The following PATJ variants were observed in gnomAD, a reference collection of about 807,000 sequenced individuals.
PATJ encodes PATJ crumbs cell polarity complex component, also known as inaD-like protein.
PATJ carries 190 observed loss-of-function variants against 224.9 expected under a neutral mutation model. The observed-to-expected ratio is 0.84, with a 90% CI of 0.75 to 0.95. PATJ has a LOEUF of 0.95. Ranked by LOEUF, PATJ falls within the 40% of genes least tolerant of loss-of-function variation. The probability of loss-of-function intolerance (pLI) is 0.00; values close to 1 mark genes in which losing one functional copy is unlikely to be tolerated. For missense variants in PATJ, 2,121 were observed against 2,270.3 expected (o/e 0.93, Z 1.34); for synonymous variants, 769 against 820.3 (o/e 0.94, Z 1.07).
At chr1:62,048,545 CAAAAAAAAAAAAAAAAAA>C (rs773157635) in intron 30 of PATJ, among the ~76,000 whole-genome samples, 9,954 of 67,222 alleles carry the variant, frequency 0.15, 1,283 homozygotes, top group African/African-American at 0.37. Context: ...GACTCTGTCT[CAAAAAAAAAAAAAAAAAA>C]AAAAAAAGAA....
intron 14 of PATJ, among the ~76,000 whole-genome samples, chr1:61,813,334 CATATATATATATAT>C (rs747640923): frequency 4.1e-4 from 26 of 63,076 alleles, no homozygotes; most frequent in South Asian, 3.0e-3. Context: ...ATGGAATGTA[CATATATATATATAT>C]ATATATATAT....
chr1:62,161,539 A>G lies in PATJ; in HGVS notation c.*485A>G, dbSNP rs1273364796. The stretch of plus-strand genomic sequence containing the variant: ...TTTTTAGTAGAGATGGAGCTTCCCC[A>G]TGTGGGCCAGGCTGGTCTTGAACTT... On this transcript the variant is annotated 3_prime_UTR_variant, in exon 44 of 44. Coordinates refer to ENST00000642238, the MANE Select transcript of PATJ (RefSeq NM_001350145.3). 6.6e-6 allele frequency: 1 copy of G among 152,188 alleles called. No homozygotes were observed. Among genetic ancestry groups the G allele is most frequent in the Non-Finnish European group, 1.5e-5 (1 of 68,176 alleles). 9.4% of individuals were successfully genotyped at this position (152,188 alleles called of 1,614,324 possible). A position where few individuals can be genotyped will look rare whatever the true frequency, so the allele number is the denominator to read the frequency against.
At position 61,775,248 on chromosome 1, in the gene PATJ, G is replaced by A; in HGVS notation, c.763G>A (p.Gly255Ser). 6.2e-7 allele frequency: 1 copy of A among 1,613,666 alleles called. No homozygotes were observed. The highest frequency in any genetic ancestry group is 8.5e-7 in the Non-Finnish European group (1 of 1,179,746). The change falls in exon 7 of 44, where the codon GGC (glycine) becomes AGC (serine). Residue 255 changes from glycine to serine, a missense_variant. Physicochemically the swap from Gly to Ser is moderately conservative, Grantham distance 56. Transcript: ENST00000642238. ...TGAAGAGGTTGAGCTCATTAATGAT[G>A]GCTCTGGACTAGGTTTTGGAATAGT... ...HVEEVELIND[G>S]SGLGFGIVGG...
At chr1:62,114,733 A>G (rs114434415) in intron 35 of PATJ, 1,609 of 158,330 alleles carry the variant, frequency 0.01, 9 homozygotes, top group Middle Eastern at 0.016. Context: ...TCACGATAGT[A>G]GTTTTCTATT....
chr1:62,122,413 C>T (rs866278290), intron 38 of PATJ, among the ~76,000 whole-genome samples: 1 of 150,654 alleles, frequency 6.6e-6, no homozygotes. Context: ...AATGAGTCAT[C>T]CTCCAAGCAT....
chr1:61,985,350 A>G (rs141653115), intron 27 of PATJ, among the ~76,000 whole-genome samples: 1,637 of 151,482 alleles, frequency 0.011, 60 homozygotes, highest in African/African-American at 0.037. Context: ...TCAGAATAAT[A>G]AATCTATAAC....
At chr1:61,753,563 G>A (rs1163916816) in intron 1 of PATJ, among the ~76,000 whole-genome samples, 1 of 150,902 alleles carries the variant, frequency 6.6e-6, no homozygotes, top group Non-Finnish European at 1.5e-5. Context: ...CGGCTGGAGT[G>A]CAGTGGCACG....
chr1:61,866,417 A>G (rs1665436232), intron 20 of PATJ, among the ~76,000 whole-genome samples: 1 of 152,132 alleles, frequency 6.6e-6, no homozygotes, highest in Non-Finnish European at 1.5e-5. Flanking sequence ...GCCTATTCTC[A>G]TATTTAATTA....
chr1:61,810,470 G>A (rs370519156), intron 14 of PATJ, among the ~76,000 whole-genome samples: 27 of 151,876 alleles, frequency 1.8e-4, no homozygotes, highest in East Asian at 1.4e-3. Flanking sequence ...AGGCCGAGGC[G>A]GGCAGATCAT....
At position 62,134,533 on chromosome 1, in the gene PATJ, C is replaced by T. The variant is rs537357112; in HGVS notation, c.5271+5588C>T. ...GCTAATTTTGTATTTTTAGTAGAGA[C>T]GGGGTTTCACCATGTTGGTCAGCCT... On this transcript the variant is annotated intron_variant, in intron 41 of 43. Transcript: ENST00000642238. Among the ~76,000 whole-genome samples the T allele has an allele frequency of 1.9e-4, 29 of 150,836 alleles. No homozygotes were observed. The East Asian group carries it at 5.0e-3, about 26-fold the overall frequency.
intron 12 of PATJ, among the ~76,000 whole-genome samples, chr1:61,804,293 A>G (rs1260280967): frequency 6.6e-6 from 1 of 152,168 alleles, no homozygotes; most frequent in Non-Finnish European, 1.5e-5. Flanking sequence ...TATCACCTAA[A>G]TGTAATCTAG....
In PATJ at chr1:61,766,410, A is replaced by G. The variant is rs1431711360; in HGVS notation, c.321A>G (p.Leu107=). ...CTAATAACTCGACTGTATCTGGGTT[A>G]TTTCCGTGGACCCCGAAGTTGGGAA... ...RPSNNSTVSG[L]FPWTPKLGNE... The change falls in exon 4 of 44, where the codon TTA becomes TTG. Residue 107 remains leucine (L), a synonymous_variant. Coordinates refer to ENST00000642238, the MANE Select transcript of PATJ (RefSeq NM_001350145.3). 3 of 1,612,230 alleles carry G rather than the reference A, an allele frequency of 1.9e-6. No homozygotes were observed. In the South Asian group the frequency reaches 3.3e-5, roughly 18 times the overall value.
chr1:62,020,426 T>C lies in PATJ; in HGVS notation c.3959+2479T>C, dbSNP rs370348888. On this transcript the variant is annotated intron_variant, in intron 29 of 43. Coordinates refer to ENST00000642238, the MANE Select transcript of PATJ (RefSeq NM_001350145.3). Reference sequence around the variant, plus strand: ...CATTTTAAAGAGAGCAAAAAGAAAATTGAATAGAGTCCAAAGGAAATAATG... The same window carrying C: ...CATTTTAAAGAGAGCAAAAAGAAAACTGAATAGAGTCCAAAGGAAATAATG... 7.1e-4 allele frequency among the ~76,000 whole-genome samples: 108 copies of C among 152,160 alleles called. 2 individuals are homozygous for C. In the South Asian group the frequency reaches 0.022, roughly 30 times the overall value.
intron 28 of PATJ, among the ~76,000 whole-genome samples, chr1:62,002,700 ACT>A (rs1645849693): frequency 7.4e-6 from 1 of 135,346 alleles, no homozygotes; most frequent in Admixed American, 7.7e-5. Context: ...CAAGAGCGAA[ACT>A]CTGTCTCAAA....
intron 27 of PATJ, among the ~76,000 whole-genome samples, chr1:61,945,420 G>C (rs1193446840): frequency 1.3e-5 from 2 of 152,018 alleles, no homozygotes; most frequent in Non-Finnish European, 2.9e-5. Flanking sequence ...AAAAGCAGGG[G>C]TTGCAATCCT....
At chr1:61,978,748 A>G (rs893717294) in intron 27 of PATJ, among the ~76,000 whole-genome samples, 3 of 152,040 alleles carry the variant, frequency 2.0e-5, no homozygotes, top group African/African-American at 7.3e-5. Flanking sequence ...GTGTTTTTAA[A>G]TGTTTTCTCT....
intron 29 of PATJ, among the ~76,000 whole-genome samples, chr1:62,021,336 G>T (rs1647068657): frequency 6.6e-6 from 1 of 152,112 alleles, no homozygotes; most frequent in African/African-American, 2.4e-5. Context: ...CTTCCAAAAG[G>T]CCCTGCCTAT....
intron 26 of PATJ, among the ~76,000 whole-genome samples, chr1:61,924,073 G>C (rs1674753343): frequency 1.3e-5 from 2 of 151,290 alleles, no homozygotes; most frequent in South Asian, 2.1e-4. Context: ...AGGCAATCAG[G>C]ATTCATAGAA....
chr1:61,986,633 C>T lies in PATJ; in HGVS notation c.3671-3535C>T, dbSNP rs1048135585. 1.1e-4 allele frequency among the ~76,000 whole-genome samples: 16 copies of T among 151,608 alleles called. 1 individual carries two copies. The highest frequency in any genetic ancestry group is 3.7e-4 in the African/African-American group (15 of 40,914). ...ACGGGGTCTCGCTATGTTGCCCAGG[C>T]TTGTCTCAAACTCCTGGGCTCAAGC... is the stretch of plus-strand genomic sequence containing the variant. On this transcript the variant is annotated intron_variant, in intron 27 of 43. Transcript: ENST00000642238.
Sources: gnomAD v4.1 joint callset for allele counts (sites outside exome capture counted in the v4.1 genomes callset) on GRCh38, gnomAD v4.1.1 for gene constraint, MANE v1.5 for transcripts, NCBI Gene and HGNC (gene_info 2026-07-23, HGNC 2026-07-21) for gene names.